The following IRAG2 variants were observed in gnomAD, a reference collection of about 807,000 sequenced individuals.
IRAG2 encodes the protein lymphoid restricted membrane protein.
In IRAG2, 45 loss-of-function variants were observed where a neutral mutation model predicts 69.9. The observed-to-expected ratio is 0.64, with a 90% CI of 0.51 to 0.83. The LOEUF (loss-of-function observed/expected upper bound fraction) is 0.83, where lower values mean the gene tolerates loss of function less well. Among genes scored for constraint, IRAG2 ranks in the 40% least tolerant of loss-of-function variants. The pLI is 0.00. For missense variants in IRAG2, 520 were observed against 587.0 expected, an observed-to-expected ratio of 0.89 and a Z score of 1.18; for synonymous variants, 193 against 202.4, an observed-to-expected ratio of 0.95 and a Z score of 0.40.
chr12:25,071,724 T>A (rs1036136727), intron 6 of IRAG2, among the ~76,000 whole-genome samples: 4 of 152,178 alleles, frequency 2.6e-5, no homozygotes, highest in Non-Finnish European at 5.9e-5. Context: ...CAGGCCTTTG[T>A]CATGGCTACT....
At chr12:25,011,508 C>G in exon 3 of IRAG2, 2 of 1,231,666 alleles carry the variant, frequency 1.6e-6, no homozygotes, top group Non-Finnish European at 2.0e-6. Context: ...GGAAACTTTC[C>G]AGGCCATGAT....
intron 6 of IRAG2, among the ~76,000 whole-genome samples, chr12:25,077,466 A>T (rs1946909341): frequency 5.4e-5 from 8 of 148,568 alleles, no homozygotes; most frequent in Admixed American, 6.8e-5. Context: ...TAAATATTTT[A>T]AAATAGGGCC....
chr12:25,072,988 T>G (rs1435272942), intron 6 of IRAG2, among the ~76,000 whole-genome samples: 11 of 152,238 alleles, frequency 7.2e-5, no homozygotes, highest in Admixed American at 2.6e-4. Context: ...CATAAAATGT[T>G]GACATTCAAG....
chr12:25,004,958 T>C (rs1944419682), intron 1 of IRAG2: 1 of 1,132,924 alleles, frequency 8.8e-7, no homozygotes, highest in Non-Finnish European at 1.1e-6. Flanking sequence ...AATAGAGCAA[T>C]AAACATATCT....
Position 25,108,307 on chromosome 12 carries a change from ATTGAAATAAAGAATCATTT to A in IRAG2, c.*248_*266del. On this transcript the variant is annotated 3_prime_UTR_variant, in exon 22 of 22. Coordinates refer to ENST00000556887, the MANE Select transcript of IRAG2 (RefSeq NM_001366544.2). ...TATTATATATTGTTTGTTAAAGTTT[ATTGAAATAAAGAATCATTT>A]AAATCTTCATAGAGTGAAAGCTGAA... 1 of 545,496 alleles carries A rather than the reference ATTGAAATAAAGAATCATTT, an allele frequency of 1.8e-6. No individual in the cohort carries two copies. The highest frequency in any genetic ancestry group is 3.1e-6 in the Non-Finnish European group (1 of 321,300). 33.8% of individuals were successfully genotyped at this position (545,496 alleles called of 1,614,324 possible).
At chr12:25,055,751 C>A (rs958399123) in intron 1 of IRAG2, among the ~76,000 whole-genome samples, 1 of 152,130 alleles carries the variant, frequency 6.6e-6, no homozygotes, top group Non-Finnish European at 1.5e-5. Context: ...TGATGGTTTC[C>A]AGCTTCATCC....
At position 25,104,479 on chromosome 12, in the gene IRAG2, G is replaced by T; in HGVS notation, c.1148+17G>T. 1 of 1,435,464 alleles carries T rather than the reference G, an allele frequency of 7.0e-7. No individual in the cohort carries two copies. The allele number at this position is 1,435,464 out of a possible 1,614,324, so 88.9% of individuals were successfully genotyped here. ...TGAACTAAAGTAGGTGAAGCTCAGT[G>T]TGTTTATTAACCTGACATGAACTGG... On this transcript the variant is annotated intron_variant, in intron 20 of 21. Transcript: ENST00000556887.
At chr12:25,011,399 T>G (rs1386990601) in exon 3 of IRAG2, 4 of 1,231,694 alleles carry the variant, frequency 3.2e-6, no homozygotes, top group Middle Eastern at 3.1e-4. Context: ...AAATAATCAA[T>G]TTCCTGAGAC....
At chr12:25,054,647 G>A (rs16928391) in intron 1 of IRAG2, among the ~76,000 whole-genome samples, 2,294 of 152,238 alleles carry the variant, frequency 0.015, 61 homozygotes, top group African/African-American at 0.048. Context: ...CCTGGATAAC[G>A]TAGAGTGGAC....
At chr12:25,054,794 C>G (rs1464021921) in intron 1 of IRAG2, among the ~76,000 whole-genome samples, 1 of 152,220 alleles carries the variant, frequency 6.6e-6, no homozygotes, top group Non-Finnish European at 1.5e-5. Flanking sequence ...TACGATCTTT[C>G]TAACAATGCC....
intron 16 of IRAG2, among the ~76,000 whole-genome samples, chr12:25,040,021 T>C (rs1944735159): frequency 6.6e-6 from 1 of 152,194 alleles, no homozygotes; most frequent in Non-Finnish European, 1.5e-5. Context: ...GTCCTTTCGA[T>C]GGTTGATCTC....
At chr12:25,042,882 TA>T (rs1944761938) in intron 16 of IRAG2, among the ~76,000 whole-genome samples, 1 of 151,974 alleles carries the variant, frequency 6.6e-6, no homozygotes, top group Non-Finnish European at 1.5e-5. Context: ...TATTAATAAA[TA>T]AGGATTTATG....
upstream of IRAG2, among the ~76,000 whole-genome samples, chr12:25,000,694 A>C (rs1770638859): frequency 6.6e-6 from 1 of 152,222 alleles, no homozygotes; most frequent in African/African-American, 2.4e-5. Context: ...AAAGCAAAAG[A>C]AGCAGTTCTT....
intron 2 of IRAG2, among the ~76,000 whole-genome samples, chr12:25,007,603 C>G (rs1437031657): frequency 6.6e-6 from 1 of 152,156 alleles, no homozygotes; most frequent in Non-Finnish European, 1.5e-5. Context: ...CTCACTGCAA[C>G]CTCTGCCACC....
chr12:25,003,408 TG>T (rs1944406916), upstream of IRAG2, among the ~76,000 whole-genome samples: 2 of 152,126 alleles, frequency 1.3e-5, no homozygotes, highest in East Asian at 3.8e-4. Flanking sequence ...GTACCTGTGG[TG>T]ACACCTTCAT....
chr12:25,021,212 C>G (rs923972853), intron 7 of IRAG2, among the ~76,000 whole-genome samples: 1 of 151,478 alleles, frequency 6.6e-6, no homozygotes, highest in African/African-American at 2.4e-5. Flanking sequence ...TCAAGCGATC[C>G]TCTCACTTCA....
At chr12:25,001,986 G>A (rs933488826), upstream of IRAG2, among the ~76,000 whole-genome samples, 1 of 152,098 alleles carries the variant, frequency 6.6e-6, no homozygotes, top group East Asian at 1.9e-4. Flanking sequence ...GGTCAGGCTG[G>A]TCTCGAACTC....
intron 3 of IRAG2, among the ~76,000 whole-genome samples, chr12:25,012,433 G>C (rs1368494911): frequency 6.6e-6 from 1 of 151,930 alleles, no homozygotes; most frequent in Non-Finnish European, 1.5e-5. Context: ...GGGATTACAG[G>C]TGTGAGCCAC....
chr12:25,048,079 A>G (rs2139869473), upstream of IRAG2, among the ~76,000 whole-genome samples: 1 of 152,322 alleles, frequency 6.6e-6, no homozygotes, highest in East Asian at 1.9e-4. Flanking sequence ...ATACCCCACC[A>G]ACAGTATAAA....
Sources: allele counts gnomAD v4.1 joint callset (sites outside exome capture counted in the v4.1 genomes callset), GRCh38; gene constraint gnomAD v4.1.1; transcripts MANE v1.5; gene names NCBI Gene and HGNC (gene_info 2026-07-23, HGNC 2026-07-21).